The following CYP24A1 variants were observed in gnomAD, a reference collection of about 807,000 sequenced individuals.
The protein encoded by CYP24A1 is 1,25-dihydroxyvitamin D(3) 24-hydroxylase, mitochondrial.
A neutral mutation model predicts 62.4 loss-of-function variants in CYP24A1; 68 were observed. The ratio of observed to expected loss-of-function variants is 1.09; its 90% confidence interval spans 0.90 to 1.33. CYP24A1 has a LOEUF of 1.33. Among genes scored for constraint, CYP24A1 ranks in the 40% most tolerant of loss-of-function variants. The pLI, the probability that CYP24A1 is intolerant of heterozygous loss-of-function variation, is 0.00. For missense variants in CYP24A1, 787 were observed against 653.0 expected, an observed-to-expected ratio of 1.21 and a Z score of -2.24; for synonymous variants, 267 against 253.0, an observed-to-expected ratio of 1.06 and a Z score of -0.52.
intron 4 of CYP24A1, among the ~76,000 whole-genome samples, chr20:54,167,484 A>C (rs1285733873): frequency 6.6e-6 from 1 of 152,166 alleles, no homozygotes; most frequent in Non-Finnish European, 1.5e-5. Context: ...AAAAAACACA[A>C]AAGTTAGTCA....
intron 6 of CYP24A1, 47 bp downstream of exon 6, chr20:54,164,405 G>T: frequency 6.2e-7 from 1 of 1,613,430 alleles, no homozygotes; most frequent in Non-Finnish European, 8.5e-7. Context: ...CTCCAGACAC[G>T]GGGGTGCTGG....
the CYP24A1 span, among the ~76,000 whole-genome samples, chr20:54,148,369 G>GAC: frequency 0.16 from 20,721 of 133,268 alleles, 1,774 homozygotes; most frequent in South Asian, 0.26. Flanking sequence ...CAGACACACA[G>GAC]ACACACACAC....
intron 11 of CYP24A1, among the ~76,000 whole-genome samples, chr20:54,156,669 G>A (rs555929859): frequency 2.1e-4 from 32 of 152,330 alleles, no homozygotes; most frequent in Admixed American, 1.2e-3. Flanking sequence ...GATGTGTGTC[G>A]TGTAACTCAC....
intron 7 of CYP24A1, 161 bp downstream of exon 7, chr20:54,162,556 C>A (rs192641450): frequency 4.1e-6 from 2 of 493,744 alleles, no homozygotes; most frequent in Non-Finnish European, 7.2e-6. Context: ...AGATGCTGTG[C>A]GCGGAGGCAC....
intron 7 of CYP24A1, among the ~76,000 whole-genome samples, chr20:54,159,551 T>A (rs1296581076): frequency 6.6e-6 from 1 of 151,952 alleles, no homozygotes; most frequent in Non-Finnish European, 1.5e-5. Flanking sequence ...TCCACCACCA[T>A]GCCTGGCTAA....
In CYP24A1 at chr20:54,154,206, A is replaced by T. The variant is rs1366385672; in HGVS notation, c.*566T>A. 6.6e-6 allele frequency: 1 copy of T among 152,244 alleles called. No homozygotes were observed. The highest frequency in any genetic ancestry group is 1.5e-5 in the Non-Finnish European group (1 of 68,046). 9.4% of individuals were successfully genotyped at this position (152,244 alleles called of 1,614,324 possible). ...AATTTTAAGGTCCTCTAACAAAATA[A>T]TGCCCCAGTGAATCACTAGTCTTAT... On this transcript the variant is annotated 3_prime_UTR_variant, in exon 12 of 12. Coordinates refer to ENST00000216862, the MANE Select transcript of CYP24A1 (RefSeq NM_000782.5).
At chr20:54,149,451 T>C (rs2092609273), downstream of CYP24A1, among the ~76,000 whole-genome samples, 2 of 152,040 alleles carry the variant, frequency 1.3e-5, no homozygotes, top group South Asian at 4.1e-4. Flanking sequence ...CAGTACACAA[T>C]AATATATATG....
Position 54,173,031 on chromosome 20 carries a change from C to T in CYP24A1, c.327G>A (p.Leu109=). The change falls in exon 2 of 12, where the codon CTG becomes CTA. Residue 109 remains leucine, a synonymous_variant. Coordinates refer to ENST00000216862, the MANE Select transcript of CYP24A1 (RefSeq NM_000782.5). The surrounding 1 kb of genome is among the most constrained non-coding windows in gnomAD (Gnocchi z 7.2). ...GCGCTTCCAGCAGGCATGGCGAGCC[C>T]AGGTGCACCGACTCAAAGGAACCCA... ...MKLGSFESVH[L]GSPCLLEALY... The T allele has an allele frequency of 6.2e-7, 1 of 1,610,132 alleles. No individual in the cohort carries two copies. The highest frequency in any genetic ancestry group is 1.1e-5 in the South Asian group (1 of 91,086).
At chr20:54,168,229 C>T (rs941320108) in intron 4 of CYP24A1, among the ~76,000 whole-genome samples, 2 of 152,218 alleles carry the variant, frequency 1.3e-5, no homozygotes, top group African/African-American at 4.8e-5. Flanking sequence ...CGCTGTCCCA[C>T]CTGATCACAG....
Position 54,162,719 on chromosome 20 carries a change from T to C in CYP24A1, c.988A>G (p.Thr330Ala). 6.3e-7 allele frequency: 1 copy of C among 1,597,210 alleles called. No individual in the cohort carries two copies. Among genetic ancestry groups the C allele is most frequent in the Non-Finnish European group, 8.6e-7 (1 of 1,164,882 alleles). ...ACTCAAATCCAGCCCACCCTTACCG[T>C]TTCCACCGCAGCCAGCTGGAGCTCT... Reference protein sequence around the residue: ...VTELQLAAVETTANSLMWILY... With the variant: ...VTELQLAAVEATANSLMWILY... The change falls in exon 7 of 12, where the codon ACG becomes GCG. Residue 330 changes from threonine (T) to alanine (A), a missense_variant and splice_region_variant. Transcript: ENST00000216862.
chr20:54,173,049 G>T lies in CYP24A1; in HGVS notation c.309C>A (p.Ser103=). 1 of 1,608,196 alleles carries T rather than the reference G, an allele frequency of 6.2e-7. No individual in the cohort carries two copies. The highest frequency in any genetic ancestry group is 8.5e-7 in the Non-Finnish European group (1 of 1,180,016). The change falls in exon 2 of 12, where the codon TCC becomes TCA. Residue 103 remains serine, a synonymous_variant. Transcript: ENST00000216862. This position sits in a 1 kb window ranked among gnomAD's most constrained non-coding sequence, Gnocchi z 7.2. ...YGKIFRMKLG[S]FESVHLGSPC... is the part of the protein sequence containing the mutation. ...GCGAGCCCAGGTGCACCGACTCAAAGGAACCCAACTTCATGCGGAAAATCT... is the reference window on the plus strand; with the variant it reads ...GCGAGCCCAGGTGCACCGACTCAAATGAACCCAACTTCATGCGGAAAATCT...
Position 54,166,486 on chromosome 20 carries a change from A to G in CYP24A1, c.641-653T>C, listed in dbSNP as rs554742315. 2.0e-5 allele frequency among the ~76,000 whole-genome samples: 3 copies of G among 152,316 alleles called. No individual in the cohort carries two copies. The East Asian group carries it at 5.8e-4, about 29-fold the overall frequency. ...CTGCCATTTCTTTCTCTTTGTGTGTATGTATGCATACAAGTGTATACGTGG... is the reference window on the plus strand; with the variant it reads ...CTGCCATTTCTTTCTCTTTGTGTGTGTGTATGCATACAAGTGTATACGTGG... On this transcript the variant is annotated intron_variant, in intron 4 of 11. Transcript: ENST00000216862.
Position 54,165,781 on chromosome 20 carries a change from T to G in CYP24A1, c.693A>C (p.Ala231=), listed in dbSNP as rs1428240199. The part of the protein sequence containing the change: ...EKRFGLLQKN[A]GDEAVNFIMA... ...TGATGAAGTTCACAGCTTCATCCCC[T>G]GCATTCTTCTGGAGAAGCCCAAATC... is the stretch of plus-strand genomic sequence containing the variant. Residue 231 remains alanine, a synonymous_variant, in exon 5 of 12, where the codon GCA becomes GCC. Coordinates refer to ENST00000216862, the MANE Select transcript of CYP24A1 (RefSeq NM_000782.5). 6.5e-7 allele frequency: 1 copy of G among 1,545,510 alleles called. No individual in the cohort carries two copies. The highest frequency in any genetic ancestry group is 9.0e-7 in the Non-Finnish European group (1 of 1,117,222).
rs1298286072 is a variant in CYP24A1 at position 54,173,145 on chromosome 20, C to G, written c.259-46G>C. ...CGCGGTGTCAGCGCGCATCCTCCGC[C>G]GTGCCCGAAGCGCTTTCCCTCCTCC... On this transcript the variant is annotated intron_variant, in intron 1 of 11. Transcript: ENST00000216862. This position sits in a 1 kb window ranked among gnomAD's most constrained non-coding sequence, Gnocchi z 7.2. The G allele has an allele frequency of 1.9e-6, 3 of 1,593,862 alleles. No homozygotes were observed. The South Asian group carries it at 3.3e-5, about 18-fold the overall frequency.
rs35260720 is a variant in CYP24A1, at chr20:54,171,810, G to A, written c.450-140C>T. ...GCCAAGAAATAGCCAGAGAATATTA[G>A]CATCAGAATATTTGGGATAAAATAG... is the stretch of plus-strand genomic sequence containing the variant. On this transcript the variant is annotated intron_variant, in intron 2 of 11. Coordinates refer to ENST00000216862, the MANE Select transcript of CYP24A1 (RefSeq NM_000782.5). 1.4e-3 allele frequency: 2,116 copies of A among 1,539,044 alleles called. 17 individuals carry two copies. In the East Asian group the frequency reaches 0.028, roughly 21 times the overall value.
At chr20:54,147,162 A>C in the CYP24A1 span, among the ~76,000 whole-genome samples, 9 of 152,352 alleles carry the variant, frequency 5.9e-5, no homozygotes, top group African/African-American at 2.2e-4. Context: ...TGAGCAAGAT[A>C]CTTAACTTCT....
At chr20:54,158,693 A>G (rs976621659) in intron 8 of CYP24A1, among the ~76,000 whole-genome samples, 2 of 152,170 alleles carry the variant, frequency 1.3e-5, no homozygotes, top group African/African-American at 4.8e-5. Context: ...CCCTATCTTA[A>G]TTAGTGCTTA....
chr20:54,170,469 G>A (rs1006674727), intron 3 of CYP24A1, among the ~76,000 whole-genome samples: 14 of 152,152 alleles, frequency 9.2e-5, no homozygotes, highest in African/African-American at 3.4e-4. Flanking sequence ...CCTGCCGTGA[G>A]CTGGTGTGGC....
At chr20:54,159,653 T>C (rs186771486) in intron 7 of CYP24A1, among the ~76,000 whole-genome samples, 16 of 152,290 alleles carry the variant, frequency 1.1e-4, no homozygotes, top group Non-Finnish European at 1.8e-4. Flanking sequence ...CCTCCAAAAG[T>C]GCTGGGATTA....
Sources: allele counts gnomAD v4.1 joint callset (sites outside exome capture counted in the v4.1 genomes callset), GRCh38; gene constraint gnomAD v4.1.1; non-coding constraint Gnocchi (gnomAD v3.1); transcripts MANE v1.5; gene names NCBI Gene and HGNC (gene_info 2026-07-23, HGNC 2026-07-21).